The following AKAP13 variants were observed in gnomAD, a reference collection of about 807,000 sequenced individuals.
AKAP13 encodes the protein A-kinase anchor protein 13.
A neutral mutation model predicts 264.5 loss-of-function variants in AKAP13; 80 were observed. The ratio of observed to expected loss-of-function variants is 0.30; its 90% CI spans 0.25 to 0.36. AKAP13 has a LOEUF of 0.36. Ranked by LOEUF, AKAP13 falls within the 10% of genes least tolerant of loss-of-function variation. The probability of loss-of-function intolerance (pLI) is 1.00; values close to 1 mark genes in which losing one functional copy is unlikely to be tolerated. For missense variants in AKAP13, 3,712 were observed against 3,435.2 expected, an observed-to-expected ratio of 1.08 and a Z score of -2.01; for synonymous variants, 1,380 against 1,250.2, an observed-to-expected ratio of 1.10 and a Z score of -2.19.
At chr15:85,400,692 T>C (rs1217954129) in intron 1 of AKAP13, among the ~76,000 whole-genome samples, 1 of 151,948 alleles carries the variant, frequency 6.6e-6, no homozygotes, top group Non-Finnish European at 1.5e-5. Flanking sequence ...GTATAGGAAG[T>C]TGTAAGTCAG....
At chr15:85,692,325 C>A (rs1029350618) in intron 16 of AKAP13, among the ~76,000 whole-genome samples, 1 of 152,088 alleles carries the variant, frequency 6.6e-6, no homozygotes. Flanking sequence ...AGGCACTGTG[C>A]AAAATGCTTT....
chr15:85,626,453 C>T (rs148240451), intron 8 of AKAP13, among the ~76,000 whole-genome samples: 3 of 101,108 alleles, frequency 3.0e-5, no homozygotes. Context: ...TATTTTCTGT[C>T]TCTATGAATT....
chr15:85,609,022 G>C (rs1484252024), intron 8 of AKAP13, among the ~76,000 whole-genome samples: 1 of 152,038 alleles, frequency 6.6e-6, no homozygotes, highest in Non-Finnish European at 1.5e-5. Context: ...CGTATTTATG[G>C]AGTACAGTGT....
At chr15:85,477,028 C>T (rs1418722642) in intron 1 of AKAP13, among the ~76,000 whole-genome samples, 1 of 152,062 alleles carries the variant, frequency 6.6e-6, no homozygotes, top group African/African-American at 2.4e-5. Flanking sequence ...GTTCCCAAAA[C>T]TGTGATCACA....
At chr15:85,716,480 G>GC (rs2086954246) in intron 20 of AKAP13, among the ~76,000 whole-genome samples, 1 of 152,196 alleles carries the variant, frequency 6.6e-6, no homozygotes, top group Admixed American at 6.5e-5. Flanking sequence ...CAAGTGGTTA[G>GC]CAGGGGGCTG....
intron 1 of AKAP13, among the ~76,000 whole-genome samples, chr15:85,427,515 G>C (rs1488249703): frequency 2.0e-5 from 3 of 152,108 alleles, no homozygotes; most frequent in Non-Finnish European, 4.4e-5. Context: ...AGTTGTGTGT[G>C]TGTGCGCACA....
chr15:85,579,312 T>C lies in AKAP13; in HGVS notation c.1244T>C (p.Leu415Pro), dbSNP rs1174483357. 3 of 1,614,082 alleles carry C rather than the reference T, an allele frequency of 1.9e-6. No individual in the cohort carries two copies. Among genetic ancestry groups the C allele is most frequent in the Non-Finnish European group, 2.5e-6 (3 of 1,180,044 alleles). Residue 415 changes from leucine to proline, a missense_variant, in exon 7 of 37, where the codon CTT becomes CCT. Leu to Pro is a moderately conservative substitution (Grantham distance 98). Around this residue, in one of 3 missense-constraint regions of AKAP13, gnomAD observed 2,759 missense variants for 2,411.7 expected, o/e 1.14. Transcript: ENST00000394518. ...PDCGVKGTEGLSSCGNRNEET... is the reference protein window; with the variant it reads ...PDCGVKGTEGPSSCGNRNEET... ...TGTGGAGTAAAGGGCACGGAAGGCC[T>C]TTCGTCCTGTGGAAACAGAAATGAA...
chr15:85,447,942 G>A (rs2073955681), intron 1 of AKAP13, among the ~76,000 whole-genome samples: 2 of 152,140 alleles, frequency 1.3e-5, no homozygotes. Flanking sequence ...TTGAGGAATC[G>A]CTATACTGCT....
At chr15:85,442,339 G>A (rs1434685204) in intron 1 of AKAP13, among the ~76,000 whole-genome samples, 1 of 147,522 alleles carries the variant, frequency 6.8e-6, no homozygotes, top group Non-Finnish European at 1.5e-5. Context: ...GAACCCAGGA[G>A]GCGGAGGTTG....
At chr15:85,519,040 T>G (rs1221145431) in intron 2 of AKAP13, among the ~76,000 whole-genome samples, 2 of 152,166 alleles carry the variant, frequency 1.3e-5, no homozygotes, top group Non-Finnish European at 2.9e-5. Flanking sequence ...GACAAAATTC[T>G]TGATCTGGAA....
At chr15:85,658,119 C>T (rs190728548) in intron 11 of AKAP13, among the ~76,000 whole-genome samples, 1 of 152,208 alleles carries the variant, frequency 6.6e-6, no homozygotes, top group East Asian at 1.9e-4. Context: ...TTACCTAGGA[C>T]CACTGTCCTA....
chr15:85,588,285 A>G (rs766896183), intron 8 of AKAP13, among the ~76,000 whole-genome samples: 9 of 152,212 alleles, frequency 5.9e-5, no homozygotes, highest in Non-Finnish European at 1.0e-4. Context: ...CCCTTATTAC[A>G]CATAATATTC....
At chr15:85,638,932 G>C (rs991827931) in intron 8 of AKAP13, among the ~76,000 whole-genome samples, 1 of 151,976 alleles carries the variant, frequency 6.6e-6, no homozygotes, top group Non-Finnish European at 1.5e-5. Context: ...GGTAAATTTT[G>C]TATTTTAGTA....
chr15:85,655,309 CT>C, intron 10 of AKAP13, 107 bp from the exon 11 acceptor site: 2 of 1,401,210 alleles, frequency 1.4e-6, no homozygotes, highest in Non-Finnish European at 1.9e-6. Flanking sequence ...CAATTATGAT[CT>C]TACCTGCCTG....
chr15:85,444,968 G>T (rs1263915058), intron 1 of AKAP13, among the ~76,000 whole-genome samples: 1 of 152,092 alleles, frequency 6.6e-6, no homozygotes, highest in Non-Finnish European at 1.5e-5. Context: ...TTGCAAAGGG[G>T]TCATGCATGT....
chr15:85,706,344 A>G (rs548505057), intron 17 of AKAP13, among the ~76,000 whole-genome samples: 1 of 152,354 alleles, frequency 6.6e-6, no homozygotes, highest in African/African-American at 2.4e-5. Flanking sequence ...TAGAAAATAA[A>G]TAAAGCCGTT....
chr15:85,551,288 T>C (rs1375996107), intron 5 of AKAP13, among the ~76,000 whole-genome samples: 3 of 152,232 alleles, frequency 2.0e-5, no homozygotes, highest in Non-Finnish European at 4.4e-5. Flanking sequence ...AATTGCAAAA[T>C]GTACTTTCTG....
chr15:85,714,071 T>A (rs932834013), intron 19 of AKAP13, among the ~76,000 whole-genome samples: 4 of 152,204 alleles, frequency 2.6e-5, no homozygotes, highest in Non-Finnish European at 5.9e-5. Flanking sequence ...ACTTACCTAC[T>A]AATAGCCTAC....
intron 5 of AKAP13, among the ~76,000 whole-genome samples, chr15:85,545,573 C>T (rs568379772): frequency 6.6e-6 from 1 of 152,304 alleles, no homozygotes; most frequent in Admixed American, 6.5e-5. Flanking sequence ...CCTGAGAAAT[C>T]ACCAATAGAG....
Sources: gnomAD v4.1 joint callset for allele counts (sites outside exome capture counted in the v4.1 genomes callset) on GRCh38, gnomAD v4.1.1 for gene constraint, gnomAD v4.1.1 regional missense constraint, MANE v1.5 for transcripts, NCBI Gene and HGNC (gene_info 2026-07-23, HGNC 2026-07-21) for gene names.